Variants in FOXP1 observed in about 807,000 individuals in gnomAD.
FOXP1 encodes forkhead box P1.
Under a neutral mutation model 98.2 loss-of-function variants are expected in FOXP1, and 15 were observed. The ratio of observed to expected loss-of-function variants is 0.15; its 90% CI spans 0.10 to 0.24. The LOEUF is 0.24. Among genes scored for constraint, FOXP1 ranks in the 10% least tolerant of loss-of-function variants. The probability of loss-of-function intolerance (pLI) is 1.00; values close to 1 mark genes in which losing one functional copy is unlikely to be tolerated. For missense variants in FOXP1, 633 were observed against 848.5 expected (o/e 0.75, Z 3.15); for synonymous variants, 371 against 314.5 (o/e 1.18, Z -1.90).
chr3:71,189,372 T>C (rs2062834371), intron 6 of FOXP1, among the ~76,000 whole-genome samples: 1 of 152,212 alleles, frequency 6.6e-6, no homozygotes, highest in African/African-American at 2.4e-5. Context: ...GGAAGATGTA[T>C]TCATTAGTAA....
chr3:71,346,988 G>A (rs755430530), intron 4 of FOXP1, among the ~76,000 whole-genome samples: 4 of 151,920 alleles, frequency 2.6e-5, no homozygotes, highest in South Asian at 2.1e-4. Context: ...AGCCAAGATC[G>A]CACCACCATT....
At chr3:71,382,753 G>C (rs776908767) in intron 3 of FOXP1, among the ~76,000 whole-genome samples, 3 of 152,188 alleles carry the variant, frequency 2.0e-5, no homozygotes, top group Non-Finnish European at 4.4e-5. Context: ...CACTCTTTAA[G>C]CCTGCCTTTA....
chr3:71,252,148 T>C (rs1399123238), intron 5 of FOXP1, among the ~76,000 whole-genome samples: 1 of 152,226 alleles, frequency 6.6e-6, no homozygotes, highest in Non-Finnish European at 1.5e-5. Context: ...CTCACCGCTC[T>C]GTCCTTTTCC....
chr3:71,467,050 G>T (rs2088835242), intron 3 of FOXP1, among the ~76,000 whole-genome samples: 1 of 152,082 alleles, frequency 6.6e-6, no homozygotes, highest in Non-Finnish European at 1.5e-5. Context: ...GAGGTGACTG[G>T]GTACTTGGGC....
chr3:71,414,672 G>A (rs1203493102), intron 3 of FOXP1, among the ~76,000 whole-genome samples: 1 of 152,226 alleles, frequency 6.6e-6, no homozygotes, highest in African/African-American at 2.4e-5. Context: ...AGGGGAGAGG[G>A]CACGAGGAGG....
chr3:70,958,307 C>G lies in FOXP1; in HGVS notation c.*940G>C. On this transcript the variant is annotated 3_prime_UTR_variant, in exon 21 of 21. Coordinates refer to ENST00000649528, the MANE Select transcript of FOXP1 (RefSeq NM_001349338.3). ...AATCGGCATTGTTCCTAGAGTTTGT[C>G]TCTCTTTTTTTTTTCTGTCATTCAT... The G allele has an allele frequency of 1.9e-6, 1 of 533,906 alleles. No individual in the cohort carries two copies. The highest frequency in any genetic ancestry group is 1.5e-5 in the South Asian group (1 of 65,204). 33.1% of individuals were successfully genotyped at this position (533,906 alleles called of 1,614,324 possible). A position where few individuals can be genotyped will look rare whatever the true frequency, so the allele number is the denominator to read the frequency against.
intron 3 of FOXP1, among the ~76,000 whole-genome samples, chr3:71,466,566 T>A (rs2088764869): frequency 6.6e-6 from 1 of 152,172 alleles, no homozygotes; most frequent in Non-Finnish European, 1.5e-5. Flanking sequence ...CTGATCGGGA[T>A]TGGATTGTTT....
chr3:71,137,257 T>C (rs1393883415), intron 6 of FOXP1, among the ~76,000 whole-genome samples: 1 of 152,196 alleles, frequency 6.6e-6, no homozygotes, highest in Non-Finnish European at 1.5e-5. Context: ...ATCTCTGGCT[T>C]TCAAACTGAC....
At chr3:71,448,323 C>A (rs774866470) in intron 3 of FOXP1, among the ~76,000 whole-genome samples, 3 of 152,122 alleles carry the variant, frequency 2.0e-5, no homozygotes, top group Non-Finnish European at 4.4e-5. Flanking sequence ...ACAGTATGGG[C>A]ACTAAATGCT....
intron 3 of FOXP1, among the ~76,000 whole-genome samples, chr3:71,372,005 TTTTC>T (rs1376008645): frequency 9.9e-5 from 15 of 151,862 alleles, no homozygotes; most frequent in South Asian, 2.1e-4. Flanking sequence ...TTCTTTCGTC[TTTTC>T]TTTCTTTCTT....
intron 19 of FOXP1, chr3:70,966,271 G>A: frequency 3.5e-6 from 2 of 579,176 alleles, no homozygotes; most frequent in Non-Finnish European, 6.2e-6. Flanking sequence ...GGGCCAGGGG[G>A]GACCAAGTGC....
chr3:71,299,586 C>G (rs2073667424), intron 5 of FOXP1, among the ~76,000 whole-genome samples: 1 of 152,192 alleles, frequency 6.6e-6, no homozygotes, highest in Non-Finnish European at 1.5e-5. Flanking sequence ...AGTTCAGCTT[C>G]AACAAACAGA....
chr3:71,218,888 A>G (rs1381293386), intron 5 of FOXP1, among the ~76,000 whole-genome samples: 2 of 152,130 alleles, frequency 1.3e-5, no homozygotes, highest in East Asian at 3.8e-4. Context: ...TCCCCAACCA[A>G]AATATCTTCT....
chr3:71,220,447 G>T (rs1043863002), intron 5 of FOXP1, among the ~76,000 whole-genome samples: 1 of 152,176 alleles, frequency 6.6e-6, no homozygotes, highest in Non-Finnish European at 1.5e-5. Context: ...GAAAGGGAAT[G>T]AGTCAGATGG....
chr3:70,967,917 T>G (rs1175862834), intron 19 of FOXP1, among the ~76,000 whole-genome samples: 1 of 152,122 alleles, frequency 6.6e-6, no homozygotes, highest in African/African-American at 2.4e-5. Flanking sequence ...AGCTTAATTA[T>G]TTTAGCAGCT....
chr3:71,449,356 G>T (rs2086728708), intron 3 of FOXP1, among the ~76,000 whole-genome samples: 3 of 152,210 alleles, frequency 2.0e-5, no homozygotes, highest in Admixed American at 6.5e-5. Context: ...ACCCTCTGTG[G>T]CTCCCCTTAA....
At chr3:71,276,103 T>A (rs1037819915) in intron 5 of FOXP1, 1 of 152,238 alleles carries the variant, frequency 6.6e-6, no homozygotes. Context: ...TTCTGCATTA[T>A]GAAATGCACA....
chr3:71,062,744 G>C (rs1024722159), intron 7 of FOXP1, among the ~76,000 whole-genome samples: 9 of 152,100 alleles, frequency 5.9e-5, no homozygotes, highest in African/African-American at 2.2e-4. Context: ...CTGCACATTT[G>C]GGCAGGAAAC....
At chr3:71,147,900 A>G (rs1429771116) in intron 6 of FOXP1, among the ~76,000 whole-genome samples, 1 of 152,246 alleles carries the variant, frequency 6.6e-6, no homozygotes, top group African/African-American at 2.4e-5. Flanking sequence ...TGATAAATAG[A>G]ATTATGTTAA....
Sources: allele counts gnomAD v4.1 joint callset (sites outside exome capture counted in the v4.1 genomes callset), GRCh38; gene constraint gnomAD v4.1.1; transcripts MANE v1.5; gene names NCBI Gene and HGNC (gene_info 2026-07-23, HGNC 2026-07-21).